KCNH5: variants seen among roughly 807,000 people sequenced by gnomAD.
KCNH5 encodes the protein potassium voltage-gated channel subfamily H member 5.
KCNH5 carries 46 observed loss-of-function variants against 96.1 expected under a neutral mutation model. The ratio of observed to expected loss-of-function variants is 0.48; its 90% CI spans 0.38 to 0.61. The LOEUF (loss-of-function observed/expected upper bound fraction) is 0.61. Among genes scored for constraint, KCNH5 ranks in the 20% least tolerant of loss-of-function variants. The pLI, the probability that KCNH5 is intolerant of heterozygous loss-of-function variation, is 0.00. For missense variants in KCNH5, 907 were observed against 1,225.8 expected (o/e 0.74, Z 3.88); for synonymous variants, 439 against 449.8 (o/e 0.98, Z 0.30).
chr14:62,724,419 TC>T lies in KCNH5; in HGVS notation c.2020-15965del, dbSNP rs560414300. On this transcript the variant is annotated intron_variant, in intron 10 of 10. Transcript: ENST00000322893. ...ACACAAGAGGTCAGTACCTGAAGCTTCAAAAGAAAAAGATATATATAATCTA... is the reference window on the plus strand; with the variant it reads ...ACACAAGAGGTCAGTACCTGAAGCTTAAAAGAAAAAGATATATATAATCTA... Among the ~76,000 whole-genome samples, 276 of 152,246 alleles carry T rather than the reference TC, an allele frequency of 1.8e-3. 1 individual carries two copies. Among genetic ancestry groups the T allele is most frequent in the African/African-American group, 6.2e-3 (256 of 41,526 alleles).
At chr14:62,718,524 C>T in intron 10 of KCNH5, among the ~76,000 whole-genome samples, 1 of 152,228 alleles carries the variant, frequency 6.6e-6, no homozygotes, top group South Asian at 2.1e-4. Context: ...CATTTCACAT[C>T]CTCTAGGATG....
In KCNH5 at chr14:62,705,630, T is replaced by C. The variant is rs1313458799; in HGVS notation, c.*1878A>G. ...AGGAAAATGGAGCCCATGGCTCATA[T>C]GTTTTGAGACTCCTAGATTAAAGAG... On this transcript the variant is annotated 3_prime_UTR_variant, in exon 11 of 11. Transcript: ENST00000322893. 1 of 152,038 alleles carries C rather than the reference T, an allele frequency of 6.6e-6. No individual in the cohort carries two copies. Among genetic ancestry groups the C allele is most frequent in the Non-Finnish European group, 1.5e-5 (1 of 67,902 alleles). The allele number at this position is 152,038 out of a possible 1,614,324, so 9.4% of individuals were successfully genotyped here.
In KCNH5 at chr14:63,003,769, T is replaced by C. The variant is rs866052804; in HGVS notation, c.305-2310A>G. Among the ~76,000 whole-genome samples the C allele has an allele frequency of 1.3e-3, 188 of 149,966 alleles. 1 individual carries two copies. The highest frequency in any genetic ancestry group is 4.1e-3 in the African/African-American group (168 of 40,678). On this transcript the variant is annotated intron_variant, in intron 3 of 10. Coordinates refer to ENST00000322893, the MANE Select transcript of KCNH5 (RefSeq NM_139318.5). ...TGAGTAGCTGGGACTACAAGGCGCC[T>C]GCCACCACGCCCGGCTAATTTTTTG...
chr14:62,756,092 C>T (rs1429919190), intron 10 of KCNH5, among the ~76,000 whole-genome samples: 1 of 149,882 alleles, frequency 6.7e-6, no homozygotes, highest in Non-Finnish European at 1.5e-5. Flanking sequence ...AACTGAAAAA[C>T]ACATTCAGTA....
At chr14:62,965,463 A>C (rs1248594152) in intron 6 of KCNH5, among the ~76,000 whole-genome samples, 3 of 152,068 alleles carry the variant, frequency 2.0e-5, no homozygotes, top group Admixed American at 6.6e-5. Context: ...TTGTCCTTTG[A>C]CTTTCTCCAC....
chr14:62,764,666 A>C (rs530679458), intron 10 of KCNH5, among the ~76,000 whole-genome samples: 1 of 152,350 alleles, frequency 6.6e-6, no homozygotes, highest in African/African-American at 2.4e-5. Context: ...CCACTTCAGC[A>C]AAGTTTTGGG....
chr14:62,849,378 A>G (rs755914067), intron 8 of KCNH5, among the ~76,000 whole-genome samples: 1 of 152,184 alleles, frequency 6.6e-6, no homozygotes, highest in Non-Finnish European at 1.5e-5. Flanking sequence ...GTGAGAGGTA[A>G]TAAGACTGTT....
Position 62,708,390 on chromosome 14 carries a change from C to T in KCNH5, c.2085G>A (p.Glu695=), listed in dbSNP as rs1280155593. 14 of 1,612,902 alleles carry T rather than the reference C, an allele frequency of 8.7e-6. No homozygotes were observed. The highest frequency in any genetic ancestry group is 1.2e-5 in the Non-Finnish European group (14 of 1,179,858). ...EEEERLRQKN[E]VTLSIPVDHP... ...GGTCCACGGGAATGCTGAGGGTCAC[C>T]TCATTCTTCTGCCGGAGGCGCTCCT... is the stretch of plus-strand genomic sequence containing the variant. Residue 695 remains glutamate, a synonymous_variant, in exon 11 of 11, where the codon GAG becomes GAA. Coordinates refer to ENST00000322893, the MANE Select transcript of KCNH5 (RefSeq NM_139318.5).
chr14:62,709,595 C>T (rs114822059), intron 10 of KCNH5, among the ~76,000 whole-genome samples: 2,238 of 152,254 alleles, frequency 0.015, 45 homozygotes, highest in African/African-American at 0.051. Context: ...AGATTCTTTA[C>T]ATTTTAAACA....
At chr14:62,955,196 G>A (rs1890081411) in intron 6 of KCNH5, among the ~76,000 whole-genome samples, 1 of 152,098 alleles carries the variant, frequency 6.6e-6, no homozygotes, top group African/African-American at 2.4e-5. Flanking sequence ...GTGCATGGAT[G>A]AGGGCTGAGC....
intron 6 of KCNH5, among the ~76,000 whole-genome samples, chr14:62,954,238 T>A (rs1348488319): frequency 1.3e-5 from 2 of 152,176 alleles, no homozygotes; most frequent in Non-Finnish European, 2.9e-5. Flanking sequence ...CCTGACATCA[T>A]CTCCCTGCCT....
intron 9 of KCNH5, among the ~76,000 whole-genome samples, chr14:62,792,885 G>A (rs927995910): frequency 1.3e-5 from 2 of 151,668 alleles, no homozygotes; most frequent in Admixed American, 6.6e-5. Flanking sequence ...GGTAGACATG[G>A]AAACAACCCC....
chr14:62,950,858 G>C lies in KCNH5; in HGVS notation c.943-299C>G, dbSNP rs191966421. ...AATATAAATGGTACAGAGAGAAACC[G>C]AAGATGAAAATTGCTCAAATGCGTT... On this transcript the variant is annotated intron_variant, in intron 6 of 10. Transcript: ENST00000322893. Among the ~76,000 whole-genome samples, 50 of 152,204 alleles carry C rather than the reference G, an allele frequency of 3.3e-4. No homozygotes were observed. In the East Asian group the frequency reaches 9.3e-3, roughly 28 times the overall value.
intron 6 of KCNH5, among the ~76,000 whole-genome samples, chr14:62,957,546 T>G (rs1890127485): frequency 6.6e-6 from 1 of 152,178 alleles, no homozygotes; most frequent in African/African-American, 2.4e-5. Context: ...TACTTATAAT[T>G]CCTCCCATCA....
chr14:62,742,518 G>C (rs572856002), intron 10 of KCNH5, among the ~76,000 whole-genome samples: 1 of 152,242 alleles, frequency 6.6e-6, no homozygotes, highest in African/African-American at 2.4e-5. Flanking sequence ...TATATACCCT[G>C]TCCCAAACTA....
intron 7 of KCNH5, among the ~76,000 whole-genome samples, chr14:62,945,999 GT>G (rs1214529473): frequency 1.3e-5 from 2 of 152,064 alleles, no homozygotes; most frequent in Non-Finnish European, 2.9e-5. Context: ...GAGGAATGGT[GT>G]GATCTGATTT....
intron 7 of KCNH5, among the ~76,000 whole-genome samples, chr14:62,896,003 T>A (rs1888805127): frequency 6.6e-6 from 1 of 152,156 alleles, no homozygotes. Flanking sequence ...AAAGAAATTG[T>A]TTTCACATCA....
chr14:62,744,259 T>C (rs1885331029), intron 10 of KCNH5, among the ~76,000 whole-genome samples: 1 of 152,188 alleles, frequency 6.6e-6, no homozygotes, highest in African/African-American at 2.4e-5. Context: ...TATTGAGGGA[T>C]TATAGCACAT....
chr14:62,891,497 C>T (rs905529299), intron 7 of KCNH5, among the ~76,000 whole-genome samples: 4 of 152,052 alleles, frequency 2.6e-5, no homozygotes, highest in African/African-American at 9.7e-5. Flanking sequence ...GTACAACAAA[C>T]CCCCGTGACA....
Sources: allele counts gnomAD v4.1 joint callset (sites outside exome capture counted in the v4.1 genomes callset), GRCh38; gene constraint gnomAD v4.1.1; transcripts MANE v1.5; gene names NCBI Gene and HGNC (gene_info 2026-07-23, HGNC 2026-07-21).